Variants in ELMOD3 observed in about 807,000 individuals in gnomAD.
ELMOD3 encodes the protein ELMO domain-containing protein 3.
Under a neutral mutation model 47.4 loss-of-function variants are expected in ELMOD3, and 36 were observed. The observed-to-expected ratio is 0.76, with a 90% confidence interval of 0.58 to 1.00. The LOEUF is 1.00. Ranked by LOEUF, ELMOD3 falls within the 50% of genes least tolerant of loss-of-function variation. ELMOD3 has a pLI of 0.00. For missense variants in ELMOD3, 404 were observed against 463.8 expected, an observed-to-expected ratio of 0.87 and a Z score of 1.18; for synonymous variants, 149 against 183.5, an observed-to-expected ratio of 0.81 and a Z score of 1.52.
chr2:85,377,150 G>A (rs904579394), intron 10 of ELMOD3, among the ~76,000 whole-genome samples, 194 bp from the exon 11 acceptor site: 2 of 152,220 alleles, frequency 1.3e-5, no homozygotes, highest in Non-Finnish European at 1.5e-5. Context: ...CCTCCAGGGC[G>A]CTGGGGTCCC....
chr2:85,390,600 GCCTA>G, intron 13 of ELMOD3, 156 bp from the exon 14 acceptor site: 1 of 1,529,948 alleles, frequency 6.5e-7, no homozygotes. Flanking sequence ...TGGCTCCCTA[GCCTA>G]CCTCTCTGGT....
chr2:85,359,223 C>G (rs2104481806), intron 4 of ELMOD3, among the ~76,000 whole-genome samples: 1 of 152,196 alleles, frequency 6.6e-6, no homozygotes, highest in Non-Finnish European at 1.5e-5. Flanking sequence ...AGATAAATTA[C>G]TAGAATGCAG....
chr2:85,386,712 C>G (rs1179890395), intron 11 of ELMOD3, among the ~76,000 whole-genome samples: 1 of 150,872 alleles, frequency 6.6e-6, no homozygotes, highest in East Asian at 2.0e-4. Flanking sequence ...AGAATGTTCC[C>G]GGGCTGGGTG....
In ELMOD3 at chr2:85,369,361, A is replaced by C. The variant is rs191030471; in HGVS notation, c.269-378A>C. Among the ~76,000 whole-genome samples the C allele has an allele frequency of 4.1e-3, 626 of 152,298 alleles. 4 individuals carry two copies. The highest frequency in any genetic ancestry group is 4.5e-3 in the Non-Finnish European group (308 of 68,022). ...GGTGTATGGTTGGGGGTTCCTATAC[A>C]GGGTGTAAGAAGGGAAAAGTGGAAA... is the stretch of plus-strand genomic sequence containing the variant. On this transcript the variant is annotated intron_variant, in intron 7 of 13. Coordinates refer to ENST00000409013, the MANE Select transcript of ELMOD3 (RefSeq NM_001135022.2).
chr2:85,360,088 C>T (rs933332697), intron 4 of ELMOD3, among the ~76,000 whole-genome samples: 2 of 151,868 alleles, frequency 1.3e-5, no homozygotes, highest in Non-Finnish European at 2.9e-5. Flanking sequence ...GGAGAAACCC[C>T]GTCTCTACTA....
chr2:85,359,647 C>G (rs1287223948), intron 4 of ELMOD3, among the ~76,000 whole-genome samples: 1 of 152,010 alleles, frequency 6.6e-6, no homozygotes, highest in African/African-American at 2.4e-5. Flanking sequence ...CCAGGCTGGT[C>G]TTGAACTCCA....
At chr2:85,363,197 G>T (rs1476482855) in intron 6 of ELMOD3, 31 bp downstream of exon 6, 1 of 1,373,700 alleles carries the variant, frequency 7.3e-7, no homozygotes, top group African/African-American at 1.4e-5. Context: ...CTTGGAGTCT[G>T]GGTGGGACCC....
chr2:85,377,550 G>A, intron 11 of ELMOD3, 76 bp downstream of exon 11: 1 of 1,472,258 alleles, frequency 6.8e-7, no homozygotes, highest in South Asian at 1.4e-5. Context: ...AGGGCTCCCA[G>A]GACAGCTGAG....
In ELMOD3 at chr2:85,355,015, G is replaced by A. The variant is rs1318856205; in HGVS notation, c.-371-61G>A. 3 of 156,390 alleles carry A rather than the reference G, an allele frequency of 1.9e-5. No individual in the cohort carries two copies. In the East Asian group the frequency reaches 5.8e-4, roughly 30 times the overall value. 9.7% of individuals were successfully genotyped at this position (156,390 alleles called of 1,614,324 possible). On this transcript the variant is annotated intron_variant, in intron 1 of 13. Transcript: ENST00000409013. ...ACAGGAGTCCTGAGTTCTGGTCCTG[G>A]CTCTGCCCTGGACTCGCTGCCTTGA...
chr2:85,364,826 T>TATA (rs1553417118), intron 6 of ELMOD3, among the ~76,000 whole-genome samples: 815 of 54,156 alleles, frequency 0.015, 1 homozygote, highest in African/African-American at 0.024. Context: ...TATATATATA[T>TATA]TTTTTTTTTT....
In ELMOD3 at chr2:85,376,033, T is replaced by G. The variant is rs1292664184; in HGVS notation, c.608-1311T>G. Among the ~76,000 whole-genome samples the G allele has an allele frequency of 7.2e-5, 11 of 152,198 alleles. No individual in the cohort carries two copies. The highest frequency in any genetic ancestry group is 1.2e-4 in the Non-Finnish European group (8 of 68,026). Reference sequence around the variant, plus strand: ...CTCCCTCTCTGCTGATCAGCAACCTTAATTCTACCTGCAGTCTTAATCCCC... The same window carrying G: ...CTCCCTCTCTGCTGATCAGCAACCTGAATTCTACCTGCAGTCTTAATCCCC... On this transcript the variant is annotated intron_variant, in intron 10 of 13. Coordinates refer to ENST00000409013, the MANE Select transcript of ELMOD3 (RefSeq NM_001135022.2). This position sits in a 1 kb window ranked among gnomAD's most constrained non-coding sequence, Gnocchi z 4.2.
chr2:85,375,975 G>C (rs188467863), intron 10 of ELMOD3, among the ~76,000 whole-genome samples: 13 of 152,200 alleles, frequency 8.5e-5, no homozygotes, highest in Admixed American at 8.5e-4. Context: ...CCCTTCTGAT[G>C]ACATTGGGCC....
rs140222207 is a variant in ELMOD3, at chr2:85,365,638, T to G, written c.199+2472T>G. ...CAAGAGAAAAGGAGAAGCTCTTACGTGGTTTGGGCATTTGTGTTGAGGTTT... is the reference window on the plus strand; with the variant it reads ...CAAGAGAAAAGGAGAAGCTCTTACGGGGTTTGGGCATTTGTGTTGAGGTTT... On this transcript the variant is annotated intron_variant, in intron 6 of 13. Transcript: ENST00000409013. 2.4e-3 allele frequency among the ~76,000 whole-genome samples: 360 copies of G among 152,316 alleles called. 3 individuals carry two copies. The highest frequency in any genetic ancestry group is 8.4e-3 in the African/African-American group (351 of 41,568).
intron 7 of ELMOD3, among the ~76,000 whole-genome samples, chr2:85,368,973 G>GCTGC: frequency 6.6e-6 from 1 of 152,300 alleles, no homozygotes; most frequent in Non-Finnish European, 1.5e-5. Context: ...TGGAGAAAGG[G>GCTGC]CTGCCATCCC....
At chr2:85,359,331 G>A (rs1367127993) in intron 4 of ELMOD3, among the ~76,000 whole-genome samples, 2 of 151,838 alleles carry the variant, frequency 1.3e-5, no homozygotes, top group Admixed American at 1.3e-4. Flanking sequence ...TATGCACTCT[G>A]GCCAATGTAC....
intron 13 of ELMOD3, 98 bp from the exon 14 acceptor site, chr2:85,390,662 T>G (rs1686285134): frequency 1.3e-6 from 2 of 1,497,862 alleles, no homozygotes; most frequent in Admixed American, 4.6e-5. Flanking sequence ...GGGATAGGGG[T>G]TGGGGGTACT....
chr2:85,390,759 G>C lies in ELMOD3; in HGVS notation c.944-1G>C. On this transcript the variant is annotated splice_acceptor_variant, in intron 13 of 13. Coordinates refer to ENST00000409013, the MANE Select transcript of ELMOD3 (RefSeq NM_001135022.2). LOFTEE classifies it high-confidence loss of function. ...CTGCTCCCCAATTCTCTCTGTTGCA[G>C]AGTTGGAAGTATTGGCCAAGAAGAG... The C allele has an allele frequency of 6.4e-7, 1 of 1,550,734 alleles. No individual in the cohort carries two copies. Among genetic ancestry groups the C allele is most frequent in the Non-Finnish European group, 8.7e-7 (1 of 1,146,968 alleles).
At chr2:85,365,361 T>C (rs1047663338) in intron 6 of ELMOD3, among the ~76,000 whole-genome samples, 4 of 150,388 alleles carry the variant, frequency 2.7e-5, no homozygotes, top group Admixed American at 6.6e-5. Flanking sequence ...AAAAAAAATA[T>C]ATATATAATA....
chr2:85,379,379 G>A (rs1392562171), intron 11 of ELMOD3, among the ~76,000 whole-genome samples: 1 of 152,076 alleles, frequency 6.6e-6, no homozygotes, highest in Non-Finnish European at 1.5e-5. Context: ...GCTAATTTTT[G>A]TATTTTTAGT....
Sources: allele counts gnomAD v4.1 joint callset (sites outside exome capture counted in the v4.1 genomes callset), GRCh38; gene constraint gnomAD v4.1.1; non-coding constraint Gnocchi (gnomAD v3.1); transcripts MANE v1.5; gene names NCBI Gene and HGNC (gene_info 2026-07-23, HGNC 2026-07-21).